The following CFAP263 variants were observed in gnomAD, a reference collection of about 807,000 sequenced individuals.
The protein encoded by CFAP263 is cilia and flagella associated protein 263, also known as cilia- and flagella-associated protein 263.
chr16:58,258,409 G>A, the CFAP263 span: 32 of 1,613,888 alleles, frequency 2.0e-5, no homozygotes, highest in Admixed American at 1.7e-4. Context: ...GTGAAGTTTC[G>A]AGAGAAGTGC....
the CFAP263 span, among the ~76,000 whole-genome samples, chr16:58,277,514 G>A: frequency 6.6e-6 from 1 of 152,120 alleles, no homozygotes; most frequent in Non-Finnish European, 1.5e-5. Context: ...TAAAAGACAA[G>A]GATTACTCAC....
At chr16:58,282,432 A>C in the CFAP263 span, 1 of 152,270 alleles carries the variant, frequency 6.6e-6, no homozygotes, top group East Asian at 1.9e-4. Flanking sequence ...TACCATGCCC[A>C]GTGGGGTATT....
the CFAP263 span, chr16:58,252,779 G>A: frequency 1.2e-5 from 20 of 1,613,098 alleles, no homozygotes; most frequent in Middle Eastern, 1.7e-4. Flanking sequence ...GAAATATTAC[G>A]CTAAACTGGA....
At chr16:58,278,024 T>C in the CFAP263 span, among the ~76,000 whole-genome samples, 2 of 152,178 alleles carry the variant, frequency 1.3e-5, no homozygotes, top group East Asian at 3.8e-4. Flanking sequence ...CACAAGAATG[T>C]GAATGTACTT....
the CFAP263 span, chr16:58,250,247 C>G: frequency 5.2e-6 from 3 of 572,696 alleles, no homozygotes; most frequent in African/African-American, 6.0e-5. Flanking sequence ...TTCCTCTTTA[C>G]TCCTTACTCC....
chr16:58,278,308 G>A, the CFAP263 span, among the ~76,000 whole-genome samples: 3 of 152,166 alleles, frequency 2.0e-5, no homozygotes, highest in Non-Finnish European at 4.4e-5. Context: ...CTTAAAATAT[G>A]TTTGGGAAAA....
chr16:58,259,949 TTCTC>T, the CFAP263 span: 851 of 1,539,846 alleles, frequency 5.5e-4, 8 homozygotes, highest in South Asian at 9.4e-3. Flanking sequence ...GTGGTCCTTT[TTCTC>T]TCTCTCTCTG....
chr16:58,254,254 C>A, the CFAP263 span: 1 of 1,356,336 alleles, frequency 7.4e-7, no homozygotes, highest in Non-Finnish European at 1.0e-6. Flanking sequence ...ATTGTTGGGG[C>A]TTTGGAAGAA....
chr16:58,253,147 G>A, the CFAP263 span, among the ~76,000 whole-genome samples: 3 of 152,182 alleles, frequency 2.0e-5, no homozygotes, highest in Admixed American at 2.0e-4. Context: ...GGAGGCTAAG[G>A]TGGGAGGATC....
chr16:58,268,335 T>C, the CFAP263 span, among the ~76,000 whole-genome samples: 163 of 152,300 alleles, frequency 1.1e-3, no homozygotes, highest in Non-Finnish European at 1.9e-3. Flanking sequence ...AGAGAACTTT[T>C]TGGGGAGGGC....
the CFAP263 span, among the ~76,000 whole-genome samples, chr16:58,261,059 A>G: frequency 6.6e-6 from 1 of 152,256 alleles, no homozygotes; most frequent in Admixed American, 6.5e-5. Flanking sequence ...CTGGAGTGTC[A>G]TGTCACAAGG....
chr16:58,252,852 A>C, the CFAP263 span: 1 of 1,613,736 alleles, frequency 6.2e-7, no homozygotes, highest in Non-Finnish European at 8.5e-7. Context: ...GATTATGCAC[A>C]GGTACACAAT....
At chr16:58,274,772 G>A in the CFAP263 span, among the ~76,000 whole-genome samples, 1 of 152,172 alleles carries the variant, frequency 6.6e-6, no homozygotes, top group African/African-American at 2.4e-5. Flanking sequence ...CTTTATAGCA[G>A]TGTGAAAACA....
the CFAP263 span, among the ~76,000 whole-genome samples, chr16:58,265,620 A>G: frequency 1.3e-5 from 2 of 152,232 alleles, no homozygotes; most frequent in African/African-American, 4.8e-5. Flanking sequence ...GATTTCAGCC[A>G]GATGTGACCA....
the CFAP263 span, among the ~76,000 whole-genome samples, chr16:58,251,808 TC>T: frequency 7.5e-5 from 1 of 13,334 alleles, no homozygotes. Flanking sequence ...AGCTGTTCTC[TC>T]TCTCATATAC....
chr16:58,252,674 T>C, the CFAP263 span: 2 of 1,549,330 alleles, frequency 1.3e-6, no homozygotes, highest in African/African-American at 1.4e-5. Context: ...ACACTAGTTA[T>C]TTGAGGTTTA....
chr16:58,279,274 T>C, the CFAP263 span, among the ~76,000 whole-genome samples: 1,016 of 152,254 alleles, frequency 6.7e-3, 10 homozygotes, highest in African/African-American at 0.023. Flanking sequence ...GTCAGGTCAC[T>C]TGGAAAACTG....
the CFAP263 span, chr16:58,250,085 T>C: frequency 1.3e-6 from 2 of 1,593,202 alleles, no homozygotes; most frequent in Non-Finnish European, 1.7e-6. Context: ...CTGCCTGTTA[T>C]CCAGCTGTGC....
chr16:58,262,762 G>GATA, the CFAP263 span, among the ~76,000 whole-genome samples: 1 of 146,450 alleles, frequency 6.8e-6, no homozygotes, highest in Non-Finnish European at 1.5e-5. Context: ...ATAGATGATA[G>GATA]GTAGATAGAT....
Sources: gnomAD v4.1 joint callset for allele counts (sites outside exome capture counted in the v4.1 genomes callset) on GRCh38, gnomAD v4.1.1 for gene constraint, MANE v1.5 for transcripts, NCBI Gene and HGNC (gene_info 2026-07-23, HGNC 2026-07-21) for gene names.